The following KATNIP variants were observed in gnomAD, a reference collection of about 807,000 sequenced individuals.
The protein encoded by KATNIP is katanin interacting protein.
Under a neutral mutation model 174.0 loss-of-function variants are expected in KATNIP, and 126 were observed. That is an observed-to-expected ratio of 0.72 (90% CI 0.63 to 0.84). KATNIP has a LOEUF of 0.84. Ranked by LOEUF, KATNIP falls within the 40% of genes least tolerant of loss-of-function variation. KATNIP has a pLI of 0.00. For synonymous variants in KATNIP, 810 were observed against 835.7 expected (o/e 0.97, Z 0.53); for missense variants, 1,958 against 2,109.7 (o/e 0.93, Z 1.41).
intron 2 of KATNIP, among the ~76,000 whole-genome samples, chr16:27,587,241 A>C (rs1166385254): frequency 6.6e-6 from 1 of 152,198 alleles, no homozygotes; most frequent in Non-Finnish European, 1.5e-5. Context: ...CATATCTGTA[A>C]GGGCTGTTTA....
Position 27,777,254 on chromosome 16 carries a change from C to A in KATNIP, c.4551+225C>A, listed in dbSNP as rs1372981600. 6.6e-6 allele frequency among the ~76,000 whole-genome samples: 1 copy of A among 152,226 alleles called. No homozygotes were observed. Among genetic ancestry groups the A allele is most frequent in the Non-Finnish European group, 1.5e-5 (1 of 68,002 alleles). On this transcript the variant is annotated intron_variant, in intron 25 of 27. Transcript: ENST00000261588. This position sits in a 1 kb window ranked among gnomAD's most constrained non-coding sequence, Gnocchi z 4.4. The stretch of plus-strand genomic sequence containing the variant: ...AGCAAATAGAAAGTGGGTTTTCTTT[C>A]GTCTTTTCCTCTAGAATCCCACTGG...
intron 13 of KATNIP, among the ~76,000 whole-genome samples, chr16:27,716,748 C>G (rs1442382678): frequency 6.6e-6 from 1 of 152,222 alleles, no homozygotes; most frequent in Non-Finnish European, 1.5e-5. Flanking sequence ...AGCCACACTT[C>G]CCCATGCCCA....
chr16:27,597,402 CTTTTTTTTTTT>C (rs36005993), intron 2 of KATNIP, among the ~76,000 whole-genome samples: 14 of 46,146 alleles, frequency 3.0e-4, no homozygotes, highest in African/African-American at 6.8e-4. Flanking sequence ...ATTTTCTTTT[CTTTTTTTTTTT>C]TTTTTTTTTT....
chr16:27,570,075 T>C (rs780419085), intron 1 of KATNIP, among the ~76,000 whole-genome samples: 1 of 152,148 alleles, frequency 6.6e-6, no homozygotes, highest in Non-Finnish European at 1.5e-5. Context: ...AGTTAAGCTC[T>C]ATGTTCTTTG....
At chr16:27,750,407 T>G in intron 16 of KATNIP, 101 bp downstream of exon 16, 16 of 1,079,722 alleles carry the variant, frequency 1.5e-5, no homozygotes, top group Non-Finnish European at 2.0e-5. Context: ...AACAGATCAG[T>G]CCTTTCTCTT....
intron 6 of KATNIP, chr16:27,659,930 C>T (rs1567266574): frequency 8.5e-6 from 7 of 821,110 alleles, no homozygotes; most frequent in South Asian, 5.5e-5. Context: ...TGAGCATGCA[C>T]CCCCAGTTTG....
chr16:27,647,225 CAG>C (rs764159479), intron 5 of KATNIP, among the ~76,000 whole-genome samples: 48 of 152,188 alleles, frequency 3.2e-4, no homozygotes, highest in Non-Finnish European at 6.2e-4. Context: ...GGCCCCAGTC[CAG>C]AGTGTCTGCA....
chr16:27,682,061 C>T (rs1198228020), intron 8 of KATNIP, among the ~76,000 whole-genome samples: 1 of 152,224 alleles, frequency 6.6e-6, no homozygotes, highest in Non-Finnish European at 1.5e-5. Flanking sequence ...TCTGATTCCA[C>T]CACCAAGGTG....
At chr16:27,594,091 CA>C (rs902883216) in intron 2 of KATNIP, among the ~76,000 whole-genome samples, 53 of 131,880 alleles carry the variant, frequency 4.0e-4, no homozygotes, top group African/African-American at 8.7e-4. Context: ...CTCGTCTGTA[CA>C]AAAAAAAAAA....
chr16:27,615,315 A>G (rs904736363), intron 2 of KATNIP, among the ~76,000 whole-genome samples: 4 of 149,462 alleles, frequency 2.7e-5, no homozygotes, highest in African/African-American at 9.8e-5. Context: ...TTTTTAAGAA[A>G]TGGAGTGGGA....
chr16:27,654,239 G>T (rs1179671714), intron 6 of KATNIP, among the ~76,000 whole-genome samples: 1 of 152,206 alleles, frequency 6.6e-6, no homozygotes, highest in African/African-American at 2.4e-5. Flanking sequence ...GCCTCCCAAA[G>T]TGCTAGGATT....
At chr16:27,554,638 G>C (rs7204244) in intron 1 of KATNIP, among the ~76,000 whole-genome samples, 118,081 of 151,992 alleles carry the variant, frequency 0.78, 46,692 homozygotes, top group South Asian at 0.9. Context: ...TGCAGTCTTA[G>C]GACGTTATTG....
intron 19 of KATNIP, among the ~76,000 whole-genome samples, chr16:27,764,054 G>A (rs1355298343): frequency 1.3e-5 from 2 of 152,236 alleles, no homozygotes; most frequent in South Asian, 4.1e-4. Flanking sequence ...AGCCAGTCAT[G>A]CTGGCGAAGT....
chr16:27,658,126 C>G (rs1167039704), intron 6 of KATNIP, among the ~76,000 whole-genome samples: 1 of 152,164 alleles, frequency 6.6e-6, no homozygotes, highest in African/African-American at 2.4e-5. Context: ...ATACCCAGGT[C>G]TTACCACTCA....
intron 14 of KATNIP, among the ~76,000 whole-genome samples, chr16:27,736,895 C>A (rs1329983049): frequency 1.3e-5 from 2 of 152,090 alleles, no homozygotes; most frequent in Non-Finnish European, 2.9e-5. Context: ...GGCAGCAGCA[C>A]ACGCGGGCAA....
intron 24 of KATNIP, among the ~76,000 whole-genome samples, chr16:27,775,306 G>A (rs772322270): frequency 5.9e-5 from 9 of 152,200 alleles, no homozygotes; most frequent in Non-Finnish European, 1.2e-4. Flanking sequence ...CACCTGGGGC[G>A]AAAGGGGTCC....
chr16:27,699,357 C>T, intron 9 of KATNIP, 177 bp from the exon 10 acceptor site: 2 of 744,912 alleles, frequency 2.7e-6, no homozygotes, highest in Non-Finnish European at 3.3e-6. Flanking sequence ...ATCTTTGGGG[C>T]ATCCATCGAG....
At chr16:27,588,492 T>A (rs2090987594) in intron 2 of KATNIP, among the ~76,000 whole-genome samples, 1 of 152,050 alleles carries the variant, frequency 6.6e-6, no homozygotes, top group South Asian at 2.1e-4. Context: ...TTGTTTTGTT[T>A]TGGAGAAAGG....
At chr16:27,695,189 C>T (rs955169064) in intron 8 of KATNIP, among the ~76,000 whole-genome samples, 5 of 152,226 alleles carry the variant, frequency 3.3e-5, no homozygotes, top group Admixed American at 6.5e-5. Context: ...AGCCCCTGGC[C>T]ATCTCCCTGC....
Sources: gnomAD v4.1 joint callset for allele counts (sites outside exome capture counted in the v4.1 genomes callset) on GRCh38, gnomAD v4.1.1 for gene constraint, Gnocchi (gnomAD v3.1) non-coding constraint, MANE v1.5 for transcripts, NCBI Gene and HGNC (gene_info 2026-07-23, HGNC 2026-07-21) for gene names.